The following KLRG1 variants were observed in gnomAD, a reference collection of about 807,000 sequenced individuals.
KLRG1 encodes killer cell lectin-like receptor subfamily G member 1.
Under a neutral mutation model 21.8 loss-of-function variants are expected in KLRG1, and 16 were observed. The observed-to-expected ratio is 0.73, with a 90% confidence interval of 0.50 to 1.11. The LOEUF (loss-of-function observed/expected upper bound fraction) is 1.11. Ranked by LOEUF, KLRG1 falls within the 50% of genes most tolerant of loss-of-function variation. The pLI, the probability that KLRG1 is intolerant of heterozygous loss-of-function variation, is 0.00. For synonymous variants in KLRG1, 69 were observed against 75.9 expected, an observed-to-expected ratio of 0.91 and a Z score of 0.47; for missense variants, 173 against 218.3, an observed-to-expected ratio of 0.79 and a Z score of 1.31.
the KLRG1 span, among the ~76,000 whole-genome samples, chr12:9,203,144 G>A: frequency 6.6e-6 from 1 of 152,058 alleles, no homozygotes; most frequent in East Asian, 1.9e-4. Context: ...TGTCCAGCCC[G>A]ATCCTTAAAG....
the KLRG1 span, among the ~76,000 whole-genome samples, chr12:9,207,618 AAGG>A: frequency 6.6e-6 from 1 of 152,226 alleles, no homozygotes; most frequent in Non-Finnish European, 1.5e-5. Flanking sequence ...GCCAGCAAGT[AAGG>A]AGAAGTCAGA....
At chr12:9,078,393 G>A in the KLRG1 span, among the ~76,000 whole-genome samples, 3 of 152,152 alleles carry the variant, frequency 2.0e-5, no homozygotes, top group Non-Finnish European at 2.9e-5. Flanking sequence ...TTGCTGCATA[G>A]TATTCCATGA....
chr12:9,208,057 T>C, the KLRG1 span, among the ~76,000 whole-genome samples: 1 of 152,240 alleles, frequency 6.6e-6, no homozygotes, highest in South Asian at 2.1e-4. Context: ...TATTTATGAC[T>C]CTGATTGGCC....
chr12:9,192,787 A>C, the KLRG1 span: 1 of 1,334,422 alleles, frequency 7.5e-7, no homozygotes, highest in South Asian at 1.3e-5. Context: ...GAAATTCTTC[A>C]CCTTAGCTTC....
chr12:9,057,292 A>C, the KLRG1 span, among the ~76,000 whole-genome samples: 4 of 152,156 alleles, frequency 2.6e-5, no homozygotes, highest in Non-Finnish European at 5.9e-5. Context: ...TCTCACTTAT[A>C]AGTGGGAGCT....
the KLRG1 span, among the ~76,000 whole-genome samples, chr12:9,015,994 G>C: frequency 1.3e-5 from 2 of 151,920 alleles, no homozygotes; most frequent in African/African-American, 4.8e-5. Context: ...AAAATCTATG[G>C]GATACAATGA....
At chr12:9,021,477 T>A in the KLRG1 span, among the ~76,000 whole-genome samples, 299 of 151,166 alleles carry the variant, frequency 2.0e-3, no homozygotes, top group Non-Finnish European at 3.1e-3. Context: ...CTCAGCTCAC[T>A]GTGACCTCCG....
chr12:9,068,080 G>C, the KLRG1 span: 1 of 1,323,470 alleles, frequency 7.6e-7, no homozygotes, highest in East Asian at 2.3e-5. Context: ...TGAGTAATTT[G>C]ATGTTTTTGA....
the KLRG1 span, chr12:9,027,966 C>T: frequency 1.0e-6 from 1 of 960,624 alleles, no homozygotes; most frequent in Non-Finnish European, 1.7e-6. Context: ...CCTAACTTCA[C>T]AGTTGTGGTC....
chr12:9,098,449 T>TAA, the KLRG1 span: 2,812 of 379,882 alleles, frequency 7.4e-3, 53 homozygotes, highest in African/African-American at 0.048. Flanking sequence ...TATATATATA[T>TAA]AATTCCTTAC....
At chr12:8,982,030 T>G (rs888727321) in intron 1 of KLRG1, among the ~76,000 whole-genome samples, 1 of 152,210 alleles carries the variant, frequency 6.6e-6, no homozygotes, top group Admixed American at 6.5e-5. Flanking sequence ...GTATGACCAC[T>G]TGTGGAAGGC....
the KLRG1 span, among the ~76,000 whole-genome samples, chr12:9,131,242 A>T: frequency 5.6e-3 from 852 of 152,244 alleles, 3 homozygotes; most frequent in African/African-American, 0.019. Context: ...TTCTTCTTCC[A>T]AAGTTGTTTT....
Position 8,982,685 on chromosome 12 carries a change from G to T in KLRG1, c.-155-9521G>T, listed in dbSNP as rs192182778. On this transcript the variant is annotated intron_variant, in intron 1 of 4. Coordinates refer to the KLRG1 transcript ENST00000539240. Reference sequence around the variant, plus strand: ...TTTGAGATGGAGTTTCATTCTTGTTGTCCAGGCTGGAGTGCAATGGTGCGA... The same window carrying T: ...TTTGAGATGGAGTTTCATTCTTGTTTTCCAGGCTGGAGTGCAATGGTGCGA... Among the ~76,000 whole-genome samples, 964 of 111,316 alleles carry T rather than the reference G, an allele frequency of 8.7e-3. 1 individual carries two copies. The highest frequency in any genetic ancestry group is 0.011 in the Non-Finnish European group (641 of 56,142). The allele number at this position is 111,316 out of a possible 152,430, so 73.0% of individuals were successfully genotyped here. A position where few individuals can be genotyped will look rare whatever the true frequency, so the allele number is the denominator to read the frequency against.
chr12:9,210,118 A>C, the KLRG1 span, among the ~76,000 whole-genome samples: 1 of 152,144 alleles, frequency 6.6e-6, no homozygotes, highest in Non-Finnish European at 1.5e-5. Flanking sequence ...ACATCTTGAA[A>C]TCTATCAGAT....
At chr12:9,192,144 G>T in the KLRG1 span, 2 of 1,480,834 alleles carry the variant, frequency 1.4e-6, no homozygotes, top group Non-Finnish European at 1.9e-6. Context: ...CGAGGGAAGG[G>T]TAAGGATGTG....
chr12:8,982,644 CTT>C (rs745473290), intron 1 of KLRG1, among the ~76,000 whole-genome samples: 14 of 135,964 alleles, frequency 1.0e-4, no homozygotes, highest in Admixed American at 1.5e-4. Flanking sequence ...CAGACAATAT[CTT>C]TTTTTTTTTT....
the KLRG1 span, among the ~76,000 whole-genome samples, chr12:9,120,349 A>G: frequency 1.3e-5 from 2 of 152,178 alleles, no homozygotes; most frequent in Admixed American, 1.3e-4. Context: ...AAAGGGGTAG[A>G]GCGAAAAAAA....
chr12:9,136,183 G>A, the KLRG1 span, among the ~76,000 whole-genome samples: 1 of 152,292 alleles, frequency 6.6e-6, no homozygotes. Context: ...TTTTTAAAAA[G>A]ACCCTTAGAA....
At chr12:9,079,224 A>G in the KLRG1 span, 1 of 1,607,276 alleles carries the variant, frequency 6.2e-7, no homozygotes, top group South Asian at 1.1e-5. Context: ...AAGAAGCTCA[A>G]AAAATTGTTC....
Sources: gnomAD v4.1 joint callset for allele counts (sites outside exome capture counted in the v4.1 genomes callset) on GRCh38, gnomAD v4.1.1 for gene constraint, MANE v1.5 for transcripts, NCBI Gene and HGNC (gene_info 2026-07-23, HGNC 2026-07-21) for gene names.